The following PDZD8 variants were observed in gnomAD, a reference collection of about 807,000 sequenced individuals.
The protein encoded by PDZD8 is PDZ domain containing 8.
PDZD8 carries 14 observed loss-of-function variants against 85.8 expected under a neutral mutation model. That is an observed-to-expected ratio of 0.16 (90% CI 0.11 to 0.26). The LOEUF is 0.26. PDZD8 is among the 10% of genes least tolerant of loss of function. PDZD8 has a pLI of 1.00. For missense variants in PDZD8, 1,197 were observed against 1,424.3 expected (o/e 0.84, Z 2.57); for synonymous variants, 592 against 568.6 (o/e 1.04, Z -0.59).
At chr10:117,368,917 G>A (rs1032832337) in intron 1 of PDZD8, among the ~76,000 whole-genome samples, 7 of 142,380 alleles carry the variant, frequency 4.9e-5, no homozygotes, top group Admixed American at 1.4e-4. Flanking sequence ...ATACAGTGGC[G>A]CAATCTTGGC....
intron 1 of PDZD8, among the ~76,000 whole-genome samples, chr10:117,361,451 C>T (rs898573680): frequency 6.6e-6 from 1 of 152,126 alleles, no homozygotes; most frequent in African/African-American, 2.4e-5. Flanking sequence ...GTCTTGTGTA[C>T]TCTGGACAAA....
At chr10:117,317,287 A>G (rs1317358836) in intron 3 of PDZD8, among the ~76,000 whole-genome samples, 2 of 152,130 alleles carry the variant, frequency 1.3e-5, no homozygotes, top group Non-Finnish European at 2.9e-5. Flanking sequence ...ATGATGTTCT[A>G]TTTTCTACCC....
intron 3 of PDZD8, among the ~76,000 whole-genome samples, chr10:117,293,941 T>C (rs1843709057): frequency 6.6e-6 from 1 of 152,082 alleles, no homozygotes; most frequent in Non-Finnish European, 1.5e-5. Flanking sequence ...AACAACACAC[T>C]TCTAAATAAT....
At chr10:117,340,947 C>T (rs750723964) in intron 2 of PDZD8, 33 bp downstream of exon 2, 20 of 1,611,216 alleles carry the variant, frequency 1.2e-5, no homozygotes, top group East Asian at 8.9e-5. Flanking sequence ...CTGTTCTTCC[C>T]GTAACTTAGT....
chr10:117,290,936 C>A (rs1191300914), intron 3 of PDZD8, among the ~76,000 whole-genome samples: 1 of 143,630 alleles, frequency 7.0e-6, no homozygotes, highest in Admixed American at 7.3e-5. Context: ...GTGGCACAAT[C>A]CTGGCTCACT....
At chr10:117,305,501 CACACACACACACACAT>C (rs1843925897) in intron 3 of PDZD8, among the ~76,000 whole-genome samples, 2 of 145,570 alleles carry the variant, frequency 1.4e-5, no homozygotes, top group African/African-American at 2.6e-5. Flanking sequence ...CACACACACA[CACACACACACACACAT>C]ATATGGAGAG....
intron 3 of PDZD8, among the ~76,000 whole-genome samples, chr10:117,311,747 T>G (rs776239969): frequency 6.6e-6 from 1 of 151,896 alleles, no homozygotes; most frequent in East Asian, 1.9e-4. Flanking sequence ...ACAGAAGAAC[T>G]GAGTACCAAA....
rs1797589372 is a variant in PDZD8 at position 117,284,519 on chromosome 10, A to G, written c.2214T>C (p.Asp738=). 1 of 1,614,076 alleles carries G rather than the reference A, an allele frequency of 6.2e-7. No homozygotes were observed. ...ATGTAGCTAGGCATCCTAAAGCCAC[A>G]TCTTCAAGTTTTAAACTAACATGCC... The part of the protein sequence containing the change: ...CLGHVSLKLE[D]VALGCLATSN... The change falls in exon 5 of 5, where the codon GAT becomes GAC. Residue 738 remains aspartate, a synonymous_variant. Transcript: ENST00000334464.
chr10:117,372,248 T>C (rs188379154), intron 1 of PDZD8, among the ~76,000 whole-genome samples: 42 of 152,348 alleles, frequency 2.8e-4, no homozygotes, highest in Middle Eastern at 3.4e-3. Context: ...TCATGCTGTT[T>C]TTAAAAAAAT....
chr10:117,353,284 G>A (rs1844837390), intron 1 of PDZD8, among the ~76,000 whole-genome samples: 1 of 152,108 alleles, frequency 6.6e-6, no homozygotes, highest in African/African-American at 2.4e-5. Flanking sequence ...ATACTGACTT[G>A]GAGTCCTAGA....
intron 3 of PDZD8, among the ~76,000 whole-genome samples, chr10:117,305,272 C>T (rs1843915325): frequency 6.6e-6 from 1 of 151,906 alleles, no homozygotes; most frequent in African/African-American, 2.4e-5. Flanking sequence ...ACTTAGCCAG[C>T]ATGGTAGTGC....
At chr10:117,347,121 G>C (rs1052447093) in intron 1 of PDZD8, among the ~76,000 whole-genome samples, 3 of 151,500 alleles carry the variant, frequency 2.0e-5, no homozygotes, top group Non-Finnish European at 4.4e-5. Context: ...CAAGAACCAG[G>C]GTATATACCC....
chr10:117,336,764 T>C (rs899546399), intron 2 of PDZD8, among the ~76,000 whole-genome samples: 4 of 151,970 alleles, frequency 2.6e-5, no homozygotes, highest in Non-Finnish European at 5.9e-5. Flanking sequence ...ATTATAACCA[T>C]TGAGAAAAAT....
rs749199382 is a variant in PDZD8 at position 117,284,522 on chromosome 10, T to C, written c.2211A>G (p.Glu737=). ...ICLGHVSLKL[E]DVALGCLATS... ...TAGCTAGGCATCCTAAAGCCACATC[T>C]TCAAGTTTTAAACTAACATGCCCCA... is the stretch of plus-strand genomic sequence containing the variant. Residue 737 remains glutamate, a synonymous_variant, in exon 5 of 5, where the codon GAA becomes GAG. Transcript: ENST00000334464. 2 of 1,614,172 alleles carry C rather than the reference T, an allele frequency of 1.2e-6. No homozygotes were observed. Among genetic ancestry groups the C allele is most frequent in the Non-Finnish European group, 1.7e-6 (2 of 1,180,026 alleles).
At chr10:117,364,141 C>T (rs1465455018) in intron 1 of PDZD8, among the ~76,000 whole-genome samples, 1 of 151,728 alleles carries the variant, frequency 6.6e-6, no homozygotes, top group Non-Finnish European at 1.5e-5. Flanking sequence ...TTGAATTCAA[C>T]ATGGTTAACT....
chr10:117,350,951 G>C (rs1003979046), intron 1 of PDZD8, among the ~76,000 whole-genome samples: 3 of 151,740 alleles, frequency 2.0e-5, no homozygotes, highest in African/African-American at 7.3e-5. Flanking sequence ...GTCTAGCTTA[G>C]GGCAGGAAAG....
chr10:117,299,908 G>A (rs1843817139), intron 3 of PDZD8, among the ~76,000 whole-genome samples: 1 of 152,106 alleles, frequency 6.6e-6, no homozygotes, highest in Admixed American at 6.6e-5. Context: ...CCTCAGTGCA[G>A]GAATCCTGTT....
chr10:117,309,107 G>A (rs1317097137), intron 3 of PDZD8, among the ~76,000 whole-genome samples: 1 of 152,098 alleles, frequency 6.6e-6, no homozygotes. Flanking sequence ...TGAAAAGGAT[G>A]TTTTAACTAG....
intron 2 of PDZD8, among the ~76,000 whole-genome samples, chr10:117,329,972 GGAAGGAA>G (rs1844388391): frequency 3.2e-5 from 1 of 31,082 alleles, no homozygotes; most frequent in Non-Finnish European, 7.9e-5. Context: ...AGGAAGGGAA[GGAAGGAA>G]GGAAGGAAGG....
Sources: gnomAD v4.1 joint callset for allele counts (sites outside exome capture counted in the v4.1 genomes callset) on GRCh38, gnomAD v4.1.1 for gene constraint, MANE v1.5 for transcripts, NCBI Gene and HGNC (gene_info 2026-07-23, HGNC 2026-07-21) for gene names.